COG5: variants seen among roughly 807,000 people sequenced by gnomAD.
COG5 encodes the protein conserved oligomeric Golgi complex subunit 5.
A neutral mutation model predicts 110.4 loss-of-function variants in COG5; 86 were observed. That is an observed-to-expected ratio of 0.78 (90% CI 0.65 to 0.93). COG5 has a LOEUF of 0.93. Ranked by LOEUF, COG5 falls within the 40% of genes least tolerant of loss-of-function variation. The pLI is 0.00. For synonymous variants in COG5, 360 were observed against 334.6 expected (o/e 1.08, Z -0.83); for missense variants, 1,077 against 987.0 (o/e 1.09, Z -1.22).
intron 6 of COG5, among the ~76,000 whole-genome samples, chr7:107,456,562 C>T (rs1280563180): frequency 6.6e-6 from 1 of 152,000 alleles, no homozygotes; most frequent in Non-Finnish European, 1.5e-5. Flanking sequence ...GTTGAAGGGA[C>T]AAATTTGAGT....
chr7:107,543,333 T>G (rs953395835), intron 5 of COG5, among the ~76,000 whole-genome samples: 5 of 152,100 alleles, frequency 3.3e-5, no homozygotes, highest in African/African-American at 9.7e-5. Context: ...AGATGCTCGT[T>G]GAGGAGAGAA....
At chr7:107,550,887 CTTTGT>C (rs1446274775) in intron 3 of COG5, among the ~76,000 whole-genome samples, 1 of 143,966 alleles carries the variant, frequency 6.9e-6, no homozygotes, top group Non-Finnish European at 1.5e-5. Context: ...TCTACTTGTA[CTTTGT>C]TTTTTTTTTT....
chr7:107,560,521 C>T (rs1013602160), intron 1 of COG5, among the ~76,000 whole-genome samples: 11 of 152,176 alleles, frequency 7.2e-5, no homozygotes, highest in East Asian at 1.9e-4. Context: ...CTAACTTAGA[C>T]CACTAGACAC....
At chr7:107,558,689 A>G (rs1373709432) in intron 1 of COG5, among the ~76,000 whole-genome samples, 1 of 151,698 alleles carries the variant, frequency 6.6e-6, no homozygotes, top group Non-Finnish European at 1.5e-5. Context: ...GATCAAGACC[A>G]TCCTGGCTAG....
intron 6 of COG5, among the ~76,000 whole-genome samples, chr7:107,442,643 TAAA>T (rs35184301): frequency 2.2e-4 from 28 of 129,526 alleles, no homozygotes; most frequent in African/African-American, 4.2e-4. Context: ...CAATTTCACC[TAAA>T]AAAAAAAAAA....
chr7:107,441,992 G>A lies in COG5; in HGVS notation c.539-29360C>T, dbSNP rs149952598. Among the ~76,000 whole-genome samples, 17 of 152,274 alleles carry A rather than the reference G, an allele frequency of 1.1e-4. No individual in the cohort carries two copies. In the East Asian group the frequency reaches 2.3e-3, roughly 21 times the overall value. On this transcript the variant is annotated intron_variant, in intron 6 of 21. Coordinates refer to ENST00000297135, the MANE Select transcript of COG5 (RefSeq NM_006348.5). Reference sequence around the variant, plus strand: ...ACTGAGCAAATATGTTATCTAAAAGGTAAGGAAAGAAATCTTACACAATTT... The same window carrying A: ...ACTGAGCAAATATGTTATCTAAAAGATAAGGAAAGAAATCTTACACAATTT...
intron 6 of COG5, among the ~76,000 whole-genome samples, chr7:107,436,148 G>GA (rs978200689): frequency 6.6e-6 from 1 of 152,210 alleles, no homozygotes; most frequent in African/African-American, 2.4e-5. Context: ...GAAGGATGGG[G>GA]AGAGGGAAGG....
chr7:107,202,238 A>ATCTT lies in COG5; in HGVS notation c.*1274_*1277dup, dbSNP rs10699573. ...ATCTTAAATATATTTTGTCATCATA[A>ATCTT]TCTTTATGGTGGGGGCAGACTTTGC... On this transcript the variant is annotated 3_prime_UTR_variant, in exon 22 of 22. Transcript: ENST00000297135. 0.16 allele frequency: 23,850 copies of ATCTT among 152,560 alleles called. 2,310 individuals are homozygous for ATCTT. The highest frequency in any genetic ancestry group is 0.22 in the Non-Finnish European group (14,641 of 67,932). The allele number at this position is 152,560 out of a possible 1,614,324, so 9.5% of individuals were successfully genotyped here. A position where few individuals can be genotyped will look rare whatever the true frequency, so the allele number is the denominator to read the frequency against.
At chr7:107,336,136 C>G (rs751758640) in intron 10 of COG5, among the ~76,000 whole-genome samples, 10 of 151,992 alleles carry the variant, frequency 6.6e-5, no homozygotes, top group Non-Finnish European at 1.2e-4. Flanking sequence ...TTCACAATAG[C>G]CAAAGTATGA....
intron 5 of COG5, among the ~76,000 whole-genome samples, chr7:107,544,943 A>G (rs191878772): frequency 8.1e-4 from 124 of 152,346 alleles, no homozygotes; most frequent in African/African-American, 2.7e-3. Context: ...AACAGAAACC[A>G]TAAGAATGAA....
chr7:107,553,654 G>T (rs1052788516), intron 3 of COG5, among the ~76,000 whole-genome samples: 2 of 151,942 alleles, frequency 1.3e-5, no homozygotes, highest in Non-Finnish European at 2.9e-5. Flanking sequence ...AAGAGGGAAT[G>T]AAAAATTCAT....
intron 6 of COG5, among the ~76,000 whole-genome samples, chr7:107,486,636 T>A (rs546151354): frequency 6.6e-6 from 1 of 151,950 alleles, no homozygotes; most frequent in Non-Finnish European, 1.5e-5. Context: ...ATAACTAAAA[T>A]GCAACAAAAA....
At chr7:107,508,929 A>C (rs1263475439) in intron 6 of COG5, among the ~76,000 whole-genome samples, 1 of 152,198 alleles carries the variant, frequency 6.6e-6, no homozygotes, top group Non-Finnish European at 1.5e-5. Context: ...AAAGTAGATA[A>C]AGCCACAAAG....
chr7:107,337,482 T>G (rs903266071), intron 10 of COG5, among the ~76,000 whole-genome samples: 2 of 152,178 alleles, frequency 1.3e-5, no homozygotes, highest in South Asian at 2.1e-4. Flanking sequence ...AATCTGGACA[T>G]CTGCAGCAAT....
At chr7:107,272,585 ATTT>A (rs917885115) in intron 14 of COG5, among the ~76,000 whole-genome samples, 4 of 152,236 alleles carry the variant, frequency 2.6e-5, no homozygotes, top group African/African-American at 9.6e-5. Flanking sequence ...TTTGAGAAAT[ATTT>A]TTGTTTTCAT....
At chr7:107,454,896 C>T (rs1201519600) in intron 6 of COG5, among the ~76,000 whole-genome samples, 2 of 152,024 alleles carry the variant, frequency 1.3e-5, no homozygotes, top group African/African-American at 2.4e-5. Flanking sequence ...CCTTCCCCAT[C>T]GCAGAAGATT....
intron 17 of COG5, among the ~76,000 whole-genome samples, chr7:107,245,097 A>T (rs1368465350): frequency 6.6e-6 from 1 of 152,230 alleles, no homozygotes; most frequent in African/African-American, 2.4e-5. Flanking sequence ...ACATCAACAG[A>T]GCTAAAGGCA....
At chr7:107,428,055 A>G (rs1793770741) in intron 6 of COG5, among the ~76,000 whole-genome samples, 1 of 152,186 alleles carries the variant, frequency 6.6e-6, no homozygotes, top group African/African-American at 2.4e-5. Flanking sequence ...GGTGGGCTCG[A>G]CAGTATAAAA....
At position 107,300,800 on chromosome 7, in the gene COG5, T is replaced by C. The variant is rs1349299050; in HGVS notation, c.1109-2454A>G. Among the ~76,000 whole-genome samples, 8 of 152,050 alleles carry C rather than the reference T, an allele frequency of 5.3e-5. No individual in the cohort carries two copies. The East Asian group carries it at 1.3e-3, about 26-fold the overall frequency. ...AATGCAGGATTTCTTTTAGTAGAAA[T>C]TGAAAAAATGATCCAAAAATCATAT... is the stretch of plus-strand genomic sequence containing the variant. On this transcript the variant is annotated intron_variant, in intron 11 of 21. Transcript: ENST00000297135.
Sources: gnomAD v4.1 joint callset for allele counts (sites outside exome capture counted in the v4.1 genomes callset) on GRCh38, gnomAD v4.1.1 for gene constraint, MANE v1.5 for transcripts, NCBI Gene and HGNC (gene_info 2026-07-23, HGNC 2026-07-21) for gene names.